Variants in HEMK2 observed in about 807,000 individuals in gnomAD.
HEMK2 encodes methyltransferase HEMK2.
chr21:28,846,455 A>G, the HEMK2 span, among the ~76,000 whole-genome samples: 2 of 152,152 alleles, frequency 1.3e-5, no homozygotes, highest in African/African-American at 4.8e-5. Flanking sequence ...CCTTGCCAGC[A>G]TCTATTGTTT....
At chr21:28,852,224 T>A in the HEMK2 span, among the ~76,000 whole-genome samples, 2 of 152,312 alleles carry the variant, frequency 1.3e-5, no homozygotes, top group South Asian at 4.1e-4. Context: ...ATGACTTCCA[T>A]TTGACCTTTT....
chr21:28,580,557 T>C, the HEMK2 span, among the ~76,000 whole-genome samples: 3 of 103,938 alleles, frequency 2.9e-5, no homozygotes, highest in Admixed American at 1.9e-4. Context: ...ATGAGAAAAG[T>C]TTAATGCACT....
the HEMK2 span, among the ~76,000 whole-genome samples, chr21:28,617,516 C>A: frequency 6.6e-6 from 1 of 152,192 alleles, no homozygotes; most frequent in African/African-American, 2.4e-5. Flanking sequence ...CAGACTGCCA[C>A]CTCTAGTCAC....
At chr21:28,588,624 A>G in the HEMK2 span, among the ~76,000 whole-genome samples, 2 of 152,180 alleles carry the variant, frequency 1.3e-5, no homozygotes, top group East Asian at 1.9e-4. Flanking sequence ...ATACAAAGAA[A>G]GAGCAACATA....
chr21:28,714,268 A>G, the HEMK2 span, among the ~76,000 whole-genome samples: 1 of 152,080 alleles, frequency 6.6e-6, no homozygotes, highest in Admixed American at 6.6e-5. Context: ...TTGGCTTCCC[A>G]TTGTATCATA....
the HEMK2 span, among the ~76,000 whole-genome samples, chr21:28,683,489 C>G: frequency 1.3e-5 from 2 of 152,060 alleles, no homozygotes; most frequent in Admixed American, 1.3e-4. Flanking sequence ...GTAAGTAGCC[C>G]AAAGAGCCAG....
chr21:28,733,233 C>T, the HEMK2 span, among the ~76,000 whole-genome samples: 11 of 152,206 alleles, frequency 7.2e-5, no homozygotes, highest in South Asian at 2.1e-4. Context: ...GAGCCGAGAT[C>T]GTGCCACTGC....
At chr21:28,723,859 C>T in the HEMK2 span, among the ~76,000 whole-genome samples, 2 of 152,208 alleles carry the variant, frequency 1.3e-5, no homozygotes, top group African/African-American at 2.4e-5. Flanking sequence ...GCCAGCACTG[C>T]CTTGCCATGG....
At chr21:28,675,741 G>A in the HEMK2 span, among the ~76,000 whole-genome samples, 2 of 152,188 alleles carry the variant, frequency 1.3e-5, no homozygotes, top group African/African-American at 4.8e-5. Flanking sequence ...AGAGAGTTGA[G>A]AACTCATCTT....
chr21:28,815,521 G>A, the HEMK2 span, among the ~76,000 whole-genome samples: 30 of 152,064 alleles, frequency 2.0e-4, 1 homozygote, highest in African/African-American at 6.0e-4. Context: ...CAGCTCCATG[G>A]CCCCCAAAAC....
At chr21:28,825,028 G>C in the HEMK2 span, among the ~76,000 whole-genome samples, 202 of 152,302 alleles carry the variant, frequency 1.3e-3, 1 homozygote, top group African/African-American at 4.7e-3. Flanking sequence ...CTGCTTTGAA[G>C]ATCTATGCAG....
the HEMK2 span, among the ~76,000 whole-genome samples, chr21:28,651,378 T>C: frequency 6.6e-6 from 1 of 152,346 alleles, no homozygotes; most frequent in South Asian, 2.1e-4. Context: ...AAAAATATTC[T>C]ACTTATTGTT....
At chr21:28,825,992 CA>C in the HEMK2 span, among the ~76,000 whole-genome samples, 1 of 152,242 alleles carries the variant, frequency 6.6e-6, no homozygotes, top group Non-Finnish European at 1.5e-5. Context: ...CCAGGATGCT[CA>C]TTGCAACCTA....
the HEMK2 span, among the ~76,000 whole-genome samples, chr21:28,776,136 C>T: frequency 6.6e-6 from 1 of 152,168 alleles, no homozygotes; most frequent in Non-Finnish European, 1.5e-5. Context: ...CAGGCAGCGT[C>T]AAGAAGAATT....
the HEMK2 span, among the ~76,000 whole-genome samples, chr21:28,666,099 T>C: frequency 6.6e-6 from 1 of 152,248 alleles, no homozygotes; most frequent in Non-Finnish European, 1.5e-5. Flanking sequence ...AATTAGAATC[T>C]ATTTCTAACA....
the HEMK2 span, among the ~76,000 whole-genome samples, chr21:28,636,563 A>T: frequency 6.6e-6 from 1 of 152,078 alleles, no homozygotes; most frequent in Admixed American, 6.6e-5. Flanking sequence ...CCATTCCCTC[A>T]TGTCCAACCT....
the HEMK2 span, among the ~76,000 whole-genome samples, chr21:28,687,087 G>A: frequency 2.0e-5 from 3 of 152,136 alleles, no homozygotes; most frequent in African/African-American, 4.8e-5. Context: ...TTCCACAGTG[G>A]GCCCCTCTCA....
At chr21:28,696,020 T>C in the HEMK2 span, among the ~76,000 whole-genome samples, 3 of 152,094 alleles carry the variant, frequency 2.0e-5, no homozygotes, top group Non-Finnish European at 2.9e-5. Context: ...TCCACATGGC[T>C]GAGGAGGCCC....
chr21:28,877,467 AAAG>A, the HEMK2 span, among the ~76,000 whole-genome samples: 20 of 151,702 alleles, frequency 1.3e-4, no homozygotes, highest in African/African-American at 4.6e-4. Context: ...GGAAGGAAAA[AAAG>A]AAGAGAAGAG....
Sources: gnomAD v4.1 joint callset for allele counts (sites outside exome capture counted in the v4.1 genomes callset) on GRCh38, gnomAD v4.1.1 for gene constraint, MANE v1.5 for transcripts, NCBI Gene and HGNC (gene_info 2026-07-23, HGNC 2026-07-21) for gene names.